ZMYM2: variants seen among roughly 807,000 people sequenced by gnomAD.
ZMYM2 encodes the protein zinc finger MYM-type protein 2.
In ZMYM2, 56 loss-of-function variants were observed where a neutral mutation model predicts 162.8. The observed-to-expected ratio is 0.34, with a 90% CI of 0.28 to 0.43. The LOEUF (loss-of-function observed/expected upper bound fraction) is 0.43. Ranked by LOEUF, ZMYM2 falls within the 20% of genes least tolerant of loss-of-function variation. The pLI, the probability that ZMYM2 is intolerant of heterozygous loss-of-function variation, is 1.00. For synonymous variants in ZMYM2, 510 were observed against 541.6 expected (o/e 0.94, Z 0.81); for missense variants, 1,275 against 1,621.8 (o/e 0.79, Z 3.67).
upstream of ZMYM2, among the ~76,000 whole-genome samples, chr13:19,954,815 T>G (rs1202067341): frequency 6.6e-6 from 1 of 151,448 alleles, no homozygotes; most frequent in Non-Finnish European, 1.5e-5. Flanking sequence ...ATATTGTTGT[T>G]TTTTTTTTCT....
intron 12 of ZMYM2, among the ~76,000 whole-genome samples, chr13:20,046,347 G>T (rs752587336): frequency 1.2e-4 from 18 of 151,572 alleles, no homozygotes; most frequent in Non-Finnish European, 2.2e-4. Context: ...GGGAGTTCTA[G>T]TCCAGCCTGG....
the ZMYM2 span, among the ~76,000 whole-genome samples, chr13:19,919,635 T>G: frequency 6.6e-6 from 1 of 152,112 alleles, no homozygotes; most frequent in Non-Finnish European, 1.5e-5. Flanking sequence ...GCCATCCATG[T>G]ATTTTCTTTG....
At chr13:20,013,494 G>A (rs1287355714) in intron 6 of ZMYM2, among the ~76,000 whole-genome samples, 1 of 152,168 alleles carries the variant, frequency 6.6e-6, no homozygotes, top group East Asian at 1.9e-4. Flanking sequence ...TGTGGTGAAA[G>A]TGGGCGTCCT....
intron 14 of ZMYM2, among the ~76,000 whole-genome samples, chr13:20,056,426 C>T (rs971957888): frequency 6.6e-6 from 1 of 152,120 alleles, no homozygotes; most frequent in African/African-American, 2.4e-5. Flanking sequence ...TCTTTTCATG[C>T]CCCCAAATAC....
the ZMYM2 span, among the ~76,000 whole-genome samples, chr13:19,951,787 G>A: frequency 6.6e-6 from 1 of 152,048 alleles, no homozygotes; most frequent in Non-Finnish European, 1.5e-5. Flanking sequence ...ACTGTTGCTA[G>A]GAATGTAAAT....
At chr13:20,052,094 AATTTC>A (rs1393424803) in intron 13 of ZMYM2, among the ~76,000 whole-genome samples, 178 bp from the exon 14 acceptor site, 1 of 152,272 alleles carries the variant, frequency 6.6e-6, no homozygotes, top group African/African-American at 2.4e-5. Flanking sequence ...GAAAAGGATT[AATTTC>A]ATTTATTTAC....
At chr13:19,885,065 T>C in the ZMYM2 span, among the ~76,000 whole-genome samples, 1 of 152,160 alleles carries the variant, frequency 6.6e-6, no homozygotes, top group Non-Finnish European at 1.5e-5. Flanking sequence ...TTGGTGCATA[T>C]ACAATCCTCT....
chr13:20,082,158 C>T (rs1408967696), intron 22 of ZMYM2, 28 bp downstream of exon 22: 2 of 1,463,542 alleles, frequency 1.4e-6, no homozygotes, highest in Middle Eastern at 1.7e-4. Context: ...AAAGGTGTTG[C>T]TCTCTTGATA....
the ZMYM2 span, among the ~76,000 whole-genome samples, chr13:19,909,943 T>C: frequency 6.0e-5 from 9 of 151,216 alleles, no homozygotes; most frequent in Non-Finnish European, 1.0e-4. Context: ...AGGCCGGGCA[T>C]GGTGGCTCAC....
the ZMYM2 span, among the ~76,000 whole-genome samples, chr13:19,953,545 G>A: frequency 1.3e-5 from 2 of 151,926 alleles, no homozygotes; most frequent in Admixed American, 6.6e-5. Flanking sequence ...TTAGCTGGGC[G>A]TGGTGGCGCT....
chr13:19,939,224 A>G, the ZMYM2 span, among the ~76,000 whole-genome samples: 1 of 151,768 alleles, frequency 6.6e-6, no homozygotes, highest in Admixed American at 6.6e-5. Flanking sequence ...GGGTTTCACC[A>G]TGTTGCCCAG....
intron 2 of ZMYM2, among the ~76,000 whole-genome samples, chr13:19,990,250 C>T (rs766033763): frequency 8.5e-5 from 13 of 152,208 alleles, no homozygotes; most frequent in Non-Finnish European, 1.3e-4. Flanking sequence ...ACTAGGTGCT[C>T]TGTAAATCTG....
chr13:19,902,657 T>G, the ZMYM2 span, among the ~76,000 whole-genome samples: 3 of 152,096 alleles, frequency 2.0e-5, no homozygotes, highest in Non-Finnish European at 4.4e-5. Flanking sequence ...TAGTTAACAC[T>G]ACTGAATTAT....
the ZMYM2 span, among the ~76,000 whole-genome samples, chr13:19,883,120 A>G: frequency 6.6e-6 from 1 of 152,216 alleles, no homozygotes; most frequent in East Asian, 1.9e-4. Flanking sequence ...CCTCAAAAAT[A>G]TGGTGAGTGA....
rs769559641 is a variant in ZMYM2, at chr13:20,002,990, A to G, written c.988A>G (p.Thr330Ala). 6.2e-7 allele frequency: 1 copy of G among 1,614,162 alleles called. No individual in the cohort carries two copies. The highest frequency in any genetic ancestry group is 8.5e-7 in the Non-Finnish European group (1 of 1,180,022). The change falls in exon 4 of 25, where the codon ACT becomes GCT. Residue 330 changes from threonine (T) to alanine (A), a missense_variant. Thr to Ala is a moderately conservative substitution (Grantham distance 58). Coordinates refer to ENST00000610343, the MANE Select transcript of ZMYM2 (RefSeq NM_197968.4). ...QQQPTKPVKV[T>A]CANCKKPLQK... Reference sequence around the variant, plus strand: ...GCAGCCTACTAAACCAGTTAAAGTCACTTGTGCAAACTGCAAAAAACCTTT... The same window carrying G: ...GCAGCCTACTAAACCAGTTAAAGTCGCTTGTGCAAACTGCAAAAAACCTTT...
the ZMYM2 span, among the ~76,000 whole-genome samples, chr13:19,891,996 C>G: frequency 6.6e-6 from 1 of 151,898 alleles, no homozygotes; most frequent in African/African-American, 2.4e-5. Context: ...GGCTGGAGTG[C>G]AGTGGCATGA....
At chr13:19,929,874 T>A in the ZMYM2 span, among the ~76,000 whole-genome samples, 2 of 152,218 alleles carry the variant, frequency 1.3e-5, no homozygotes, top group African/African-American at 4.8e-5. Flanking sequence ...TTTTATGTAT[T>A]TCAATTTCTT....
intron 9 of ZMYM2, chr13:20,028,126 C>T (rs776795426): frequency 1.3e-4 from 22 of 168,246 alleles, no homozygotes; most frequent in Non-Finnish European, 2.5e-4. Flanking sequence ...ATAATAGTTA[C>T]TATATCACTT....
At chr13:19,918,577 C>A in the ZMYM2 span, among the ~76,000 whole-genome samples, 1 of 139,864 alleles carries the variant, frequency 7.1e-6, no homozygotes, top group Non-Finnish European at 1.5e-5. Flanking sequence ...TGGCTCACTG[C>A]AACCTCTGCC....
Sources: allele counts gnomAD v4.1 joint callset (sites outside exome capture counted in the v4.1 genomes callset), GRCh38; gene constraint gnomAD v4.1.1; transcripts MANE v1.5; gene names NCBI Gene and HGNC (gene_info 2026-07-23, HGNC 2026-07-21).